BCL11B: variants seen among roughly 807,000 people sequenced by gnomAD.
The protein encoded by BCL11B is B-cell lymphoma/leukemia 11B.
BCL11B carries 8 observed loss-of-function variants against 49.9 expected under a neutral mutation model. The ratio of observed to expected loss-of-function variants is 0.16; its 90% CI spans 0.09 to 0.29. The LOEUF (loss-of-function observed/expected upper bound fraction) is 0.29. Ranked by LOEUF, BCL11B falls within the 10% of genes least tolerant of loss-of-function variation. BCL11B has a pLI of 1.00. For synonymous variants in BCL11B, 739 were observed against 637.4 expected, an observed-to-expected ratio of 1.16 and a Z score of -2.40; for missense variants, 1,006 against 1,351.0, an observed-to-expected ratio of 0.74 and a Z score of 4.00.
chr14:99,239,921 AAAAGAACAT>A (rs1888613235), intron 2 of BCL11B, among the ~76,000 whole-genome samples: 1 of 152,190 alleles, frequency 6.6e-6, no homozygotes, highest in Admixed American at 6.5e-5. Flanking sequence ...ACAGCCAATA[AAAAGAACAT>A]AAAGAAAACG....
At chr14:99,254,765 C>T (rs956560818) in intron 2 of BCL11B, among the ~76,000 whole-genome samples, 1 of 152,222 alleles carries the variant, frequency 6.6e-6, no homozygotes, top group Non-Finnish European at 1.5e-5. Flanking sequence ...AGCAGCTGGA[C>T]GGGTTTCCGG....
At chr14:99,238,210 A>T (rs1888561329) in intron 2 of BCL11B, among the ~76,000 whole-genome samples, 1 of 152,108 alleles carries the variant, frequency 6.6e-6, no homozygotes, top group South Asian at 2.1e-4. Context: ...CTCATCCCAG[A>T]AAATGGAGAG....
At position 99,171,152 on chromosome 14, in the gene BCL11B, G is replaced by A. The variant is rs1284231325; in HGVS notation, c.*2999C>T. Reference sequence around the variant, plus strand: ...TCTGGTCTGCTGTGGCCACACCAAGGAGCCTTGATGCAAGGTTCGGGGCGT... The same window carrying A: ...TCTGGTCTGCTGTGGCCACACCAAGAAGCCTTGATGCAAGGTTCGGGGCGT... On this transcript the variant is annotated 3_prime_UTR_variant, in exon 4 of 4. Transcript: ENST00000357195. 1 of 228,768 alleles carries A rather than the reference G, an allele frequency of 4.4e-6. No individual in the cohort carries two copies. Among genetic ancestry groups the A allele is most frequent in the African/African-American group, 2.2e-5 (1 of 44,996 alleles). 14.2% of individuals were successfully genotyped at this position (228,768 alleles called of 1,614,324 possible).
In BCL11B at chr14:99,175,069, G is replaced by A. The variant is rs769037113; in HGVS notation, c.1767C>T (p.Asp589=). 2.0e-5 allele frequency: 32 copies of A among 1,600,094 alleles called. No individual in the cohort carries two copies. The East Asian group carries it at 2.7e-4, about 13-fold the overall frequency. The part of the protein sequence containing the change: ...AGGGAAKALA[D]EKALVLGKVM... ...CCTTGCCCAGCACCAGCGCCTTCTC[G>A]TCAGCCAGCGCCTTGGCCGCGCCGC... The change falls in exon 4 of 4, where the codon GAC becomes GAT. Residue 589 remains aspartate, a synonymous_variant. Coordinates refer to ENST00000357195, the MANE Select transcript of BCL11B (RefSeq NM_138576.4).
In BCL11B at chr14:99,175,109, A is replaced by T. The variant is rs774231990; in HGVS notation, c.1727T>A (p.Val576Asp). 1.3e-6 allele frequency: 2 copies of T among 1,589,888 alleles called. No homozygotes were observed. The change falls in exon 4 of 4, where the codon GTC becomes GAC. Residue 576 changes from valine to aspartate, a missense_variant. Val to Asp is a radical substitution (Grantham distance 152). Coordinates refer to ENST00000357195, the MANE Select transcript of BCL11B (RefSeq NM_138576.4). ...RENGGGGVPG[V>D]PGAGGGAAKA... ...GGCCGCGCCGCCCCCCGCGCCCGGG[A>T]CCCCGGGCACCCCACCACCGCCGTT... is the stretch of plus-strand genomic sequence containing the variant.
At chr14:99,185,162 C>A (rs1055499542) in intron 3 of BCL11B, among the ~76,000 whole-genome samples, 15 of 152,200 alleles carry the variant, frequency 9.9e-5, no homozygotes, top group African/African-American at 3.6e-4. Context: ...TGAGGACGGG[C>A]GCGGTGGCTC....
intron 3 of BCL11B, among the ~76,000 whole-genome samples, chr14:99,177,054 C>G (rs937951549): frequency 6.6e-6 from 1 of 152,012 alleles, no homozygotes; most frequent in African/African-American, 2.4e-5. Context: ...TTCCTAGGAA[C>G]AGAAAAAATT....
At chr14:99,216,881 GCA>G (rs758810417) in intron 3 of BCL11B, among the ~76,000 whole-genome samples, 3 of 151,740 alleles carry the variant, frequency 2.0e-5, no homozygotes, top group Non-Finnish European at 2.9e-5. Context: ...ACACATATGT[GCA>G]CAGATACCAT....
intron 3 of BCL11B, among the ~76,000 whole-genome samples, chr14:99,221,760 A>C (rs1313854331): frequency 6.6e-6 from 1 of 152,256 alleles, no homozygotes; most frequent in South Asian, 2.1e-4. Flanking sequence ...CTACAAGAGA[A>C]GCTGCCTGGA....
intron 2 of BCL11B, among the ~76,000 whole-genome samples, chr14:99,253,554 G>A (rs777579392): frequency 5.3e-5 from 8 of 152,186 alleles, no homozygotes; most frequent in Admixed American, 1.3e-4. Flanking sequence ...TGAGGAAACC[G>A]CGGCTCAGAA....
At chr14:99,245,916 G>C (rs1444002465) in intron 2 of BCL11B, among the ~76,000 whole-genome samples, 1 of 150,658 alleles carries the variant, frequency 6.6e-6, no homozygotes, top group East Asian at 1.9e-4. Context: ...AGGCGTGCTC[G>C]CTGGGCTGCT....
At chr14:99,209,152 G>A (rs1342657833) in intron 3 of BCL11B, among the ~76,000 whole-genome samples, 4 of 152,132 alleles carry the variant, frequency 2.6e-5, no homozygotes, top group African/African-American at 9.7e-5. Context: ...AAGAGGCCCT[G>A]GACTCCTATG....
chr14:99,198,611 T>C (rs542193891), intron 3 of BCL11B, among the ~76,000 whole-genome samples: 24 of 152,156 alleles, frequency 1.6e-4, no homozygotes, highest in Non-Finnish European at 5.9e-5. Context: ...GTCCTGGAAG[T>C]AGAATTCCTG....
In BCL11B at chr14:99,172,713, A is replaced by G. The variant is rs1264473715; in HGVS notation, c.*1438T>C. The G allele has an allele frequency of 9.2e-6, 2 of 217,334 alleles. No homozygotes were observed. Among genetic ancestry groups the G allele is most frequent in the Non-Finnish European group, 1.9e-5 (2 of 107,640 alleles). 13.5% of individuals were successfully genotyped at this position (217,334 alleles called of 1,614,324 possible). A position where few individuals can be genotyped will look rare whatever the true frequency, so the allele number is the denominator to read the frequency against. ...ACCCACCTCTGGGCCAAAGAGAAGA[A>G]TATGCTGCAATTTCTTGTTTAGAAG... On this transcript the variant is annotated 3_prime_UTR_variant, in exon 4 of 4. Transcript: ENST00000357195.
At chr14:99,226,350 C>T (rs59449986) in intron 3 of BCL11B, among the ~76,000 whole-genome samples, 208 of 152,258 alleles carry the variant, frequency 1.4e-3, no homozygotes, top group African/African-American at 4.9e-3. Context: ...CTCACTCACA[C>T]GGTTCTTTTT....
At chr14:99,215,329 T>A (rs956117252) in intron 3 of BCL11B, among the ~76,000 whole-genome samples, 3 of 152,236 alleles carry the variant, frequency 2.0e-5, no homozygotes, top group Non-Finnish European at 4.4e-5. Context: ...TGGGTTAAAA[T>A]AGCTTTTAAA....
chr14:99,173,268 G>GTA lies in BCL11B; in HGVS notation c.*881_*882dup. 1 of 224,934 alleles carries GTA rather than the reference G, an allele frequency of 4.4e-6. No homozygotes were observed. Among genetic ancestry groups the GTA allele is most frequent in the Non-Finnish European group, 8.9e-6 (1 of 112,866 alleles). 13.9% of individuals were successfully genotyped at this position (224,934 alleles called of 1,614,324 possible). On this transcript the variant is annotated 3_prime_UTR_variant, in exon 4 of 4. Transcript: ENST00000357195. ...CACCCCAGGGCACACCAACAGGATAGTATCTGCTGGTCATGCACAACCTCA... is the reference window on the plus strand; with the variant it reads ...CACCCCAGGGCACACCAACAGGATAGTATATCTGCTGGTCATGCACAACCTCA...
chr14:99,174,737 G>T lies in BCL11B; in HGVS notation c.2099C>A (p.Ala700Glu). ...VEKDLELPPA[A>E]LIPSENVYSQ... is the part of the protein sequence containing the mutation. The stretch of plus-strand genomic sequence containing the variant: ...GTACACGTTCTCGGACGGGATGAGC[G>T]CGGCGGGCGGCAGCTCCAGGTCCTT... The change falls in exon 4 of 4, where the codon GCG (alanine) becomes GAG (glutamate). Residue 700 changes from alanine (A) to glutamate (E), a missense_variant. Transcript: ENST00000357195. 6.5e-7 allele frequency: 1 copy of T among 1,530,124 alleles called. No homozygotes were observed. Among genetic ancestry groups the T allele is most frequent in the Non-Finnish European group, 8.8e-7 (1 of 1,139,096 alleles). The allele number at this position is 1,530,124 out of a possible 1,614,324, so 94.8% of individuals were successfully genotyped here.
At chr14:99,229,149 T>C (rs1286475888) in intron 3 of BCL11B, among the ~76,000 whole-genome samples, 4 of 147,934 alleles carry the variant, frequency 2.7e-5, no homozygotes, top group East Asian at 4.0e-4. Flanking sequence ...GATGGATGGA[T>C]GGATGGACGG....
Sources: gnomAD v4.1 joint callset for allele counts (sites outside exome capture counted in the v4.1 genomes callset) on GRCh38, gnomAD v4.1.1 for gene constraint, MANE v1.5 for transcripts, NCBI Gene and HGNC (gene_info 2026-07-23, HGNC 2026-07-21) for gene names.